Variants in EIF5A observed in about 807,000 individuals in gnomAD.
EIF5A encodes the protein eukaryotic translation initiation factor 5A-1.
EIF5A carries 1 observed loss-of-function variant against 16.6 expected under a neutral mutation model. The ratio of observed to expected loss-of-function variants is 0.06; its 90% CI spans 0.02 to 0.28. The LOEUF (loss-of-function observed/expected upper bound fraction) is 0.28. Among genes scored for constraint, EIF5A ranks in the 10% least tolerant of loss-of-function variants. The probability of loss-of-function intolerance (pLI) is 1.00; values close to 1 mark genes in which losing one functional copy is unlikely to be tolerated. For missense variants in EIF5A, 29 were observed against 196.1 expected (o/e 0.15, Z 5.09); for synonymous variants, 80 against 73.6 (o/e 1.09, Z -0.44).
At chr17:7,308,093 G>T in intron 1 of EIF5A, 1 of 993,238 alleles carries the variant, frequency 1.0e-6, no homozygotes. Context: ...TTGAGGACCC[G>T]GCTCAGCGCG....
Position 7,308,020 on chromosome 17 carries a change from C to T in EIF5A, c.-22+268C>T, listed in dbSNP as rs967143148. 185 of 984,694 alleles carry T rather than the reference C, an allele frequency of 1.9e-4. 1 individual carries two copies. Among genetic ancestry groups the T allele is most frequent in the Admixed American group, 1.4e-3 (22 of 16,202 alleles). The allele number at this position is 984,694 out of a possible 1,614,324, so 61.0% of individuals were successfully genotyped here. ...CAGCCACGCGGGAGAGGCCGCCAGG[C>T]GGCCACGCCGGGGCGAGGGCCAGGG... is the stretch of plus-strand genomic sequence containing the variant. On this transcript the variant is annotated intron_variant, in intron 1 of 5. Coordinates refer to ENST00000336458, the MANE Select transcript of EIF5A (RefSeq NM_001970.5).
intron 5 of EIF5A, 75 bp downstream of exon 5, chr17:7,311,726 T>G: frequency 6.3e-7 from 1 of 1,583,302 alleles, no homozygotes; most frequent in Non-Finnish European, 8.6e-7. Context: ...TCTTAATTGT[T>G]TCAGGCTTAC....
intron 1 of EIF5A, chr17:7,308,587 C>T (rs201600580): frequency 6.7e-6 from 9 of 1,350,264 alleles, no homozygotes; most frequent in South Asian, 1.1e-5. Flanking sequence ...TAAGTGGCAC[C>T]CCTTCGAGCT....
At chr17:7,310,091 AG>A (rs1567612266) in intron 2 of EIF5A, 1 of 1,396,760 alleles carries the variant, frequency 7.2e-7, no homozygotes, top group Non-Finnish European at 9.4e-7. Flanking sequence ...CTAGCTATTC[AG>A]TTGCTCCTTC....
At chr17:7,310,451 TGTG>T (rs1230221873) in intron 2 of EIF5A, 76 of 1,175,956 alleles carry the variant, frequency 6.5e-5, no homozygotes, top group Middle Eastern at 3.8e-4. Context: ...TTGAATTTCT[TGTG>T]GTGTTTTTCC....
At chr17:7,309,089 C>A (rs1202643558) in intron 1 of EIF5A, among the ~76,000 whole-genome samples, 3 of 151,574 alleles carry the variant, frequency 2.0e-5, no homozygotes, top group Non-Finnish European at 4.4e-5. Context: ...CCCAAAGAGG[C>A]CTTGTGGTTT....
upstream of EIF5A, chr17:7,307,110 A>C (rs766058124): frequency 9.4e-6 from 15 of 1,599,090 alleles, no homozygotes; most frequent in African/African-American, 4.0e-5. Context: ...AAGTTTTCTG[A>C]AACGTGTGAG....
Position 7,310,143 on chromosome 17 carries a change from G to A in EIF5A, c.165+343G>A, listed in dbSNP as rs979308718. On this transcript the variant is annotated intron_variant, in intron 2 of 5. Coordinates refer to ENST00000336458, the MANE Select transcript of EIF5A (RefSeq NM_001970.5). ...CACTTTTTCTTTCTTCCCTTGAGCC[G>A]TTGTTAAGTGGTTGCTTCCATCACG... 1.1e-5 allele frequency: 15 copies of A among 1,305,548 alleles called. No individual in the cohort carries two copies. The East Asian group carries it at 6.2e-4, about 54-fold the overall frequency. 80.9% of individuals were successfully genotyped at this position (1,305,548 alleles called of 1,614,324 possible).
chr17:7,308,701 A>G (rs2072714983), intron 1 of EIF5A: 2 of 739,290 alleles, frequency 2.7e-6, no homozygotes, highest in Non-Finnish European at 3.9e-6. Flanking sequence ...TGAGTTTCCC[A>G]CCGTGATAGG....
In EIF5A at chr17:7,312,404, C is replaced by T; in HGVS notation, c.*594C>T. Reference sequence around the variant, plus strand: ...TTACCCTTCCCTGCGGGCTCTCTCCCCGACACATTTGTTAAAATCAAACCT... The same window carrying T: ...TTACCCTTCCCTGCGGGCTCTCTCCTCGACACATTTGTTAAAATCAAACCT... On this transcript the variant is annotated 3_prime_UTR_variant, in exon 6 of 6. Coordinates refer to ENST00000336458, the MANE Select transcript of EIF5A (RefSeq NM_001970.5). 4 of 254,782 alleles carry T rather than the reference C, an allele frequency of 1.6e-5. No individual in the cohort carries two copies. The South Asian group carries it at 1.8e-4, about 12-fold the overall frequency. 15.8% of individuals were successfully genotyped at this position (254,782 alleles called of 1,614,324 possible). A position where few individuals can be genotyped will look rare whatever the true frequency, so the allele number is the denominator to read the frequency against.
At position 7,307,707 on chromosome 17, in the gene EIF5A, G is replaced by A; in HGVS notation, c.-67G>A. 1 of 1,045,100 alleles carries A rather than the reference G, an allele frequency of 9.6e-7. No individual in the cohort carries two copies. The highest frequency in any genetic ancestry group is 1.2e-6 in the Non-Finnish European group (1 of 869,476). The allele number at this position is 1,045,100 out of a possible 1,614,324, so 64.7% of individuals were successfully genotyped here. On this transcript the variant is annotated 5_prime_UTR_variant, in exon 1 of 6. Transcript: ENST00000336458. ...GGCAGCGGGCTCGGAGGCAGCGGTT[G>A]GGCTCGCGGCGAGCGGACGGGGTCG...
At position 7,311,900 on chromosome 17, in the gene EIF5A, C is replaced by G. The variant is rs2072840887; in HGVS notation, c.*90C>G. ...AGCCTGGCCTGGCTCTGGCCCGGTCCTAAGCTGGACTCCTCCTACACAATT... is the reference window on the plus strand; with the variant it reads ...AGCCTGGCCTGGCTCTGGCCCGGTCGTAAGCTGGACTCCTCCTACACAATT... On this transcript the variant is annotated 3_prime_UTR_variant, in exon 6 of 6. Coordinates refer to ENST00000336458, the MANE Select transcript of EIF5A (RefSeq NM_001970.5). The G allele has an allele frequency of 3.3e-6, 2 of 598,460 alleles. No individual in the cohort carries two copies. Among genetic ancestry groups the G allele is most frequent in the African/African-American group, 3.7e-5 (2 of 53,518 alleles). 37.1% of individuals were successfully genotyped at this position (598,460 alleles called of 1,614,324 possible).
At chr17:7,308,656 G>C in intron 1 of EIF5A, 1 of 1,250,388 alleles carries the variant, frequency 8.0e-7, no homozygotes, top group Non-Finnish European at 1.1e-6. Context: ...TTTTCTGTCG[G>C]CCTGGGTGGA....
intron 2 of EIF5A, chr17:7,310,656 C>T: frequency 3.0e-6 from 3 of 985,354 alleles, no homozygotes; most frequent in Non-Finnish European, 3.6e-6. Flanking sequence ...CTTCCTTATT[C>T]CCCAGTTTCT....
upstream of EIF5A, chr17:7,307,574 C>T: frequency 9.9e-7 from 1 of 1,005,976 alleles, no homozygotes; most frequent in Non-Finnish European, 1.2e-6. Context: ...AGATAGCACG[C>T]TTGCGCGGCT....
In EIF5A at chr17:7,312,053, C is replaced by T. The variant is rs1357990799; in HGVS notation, c.*243C>T. On this transcript the variant is annotated 3_prime_UTR_variant, in exon 6 of 6. Coordinates refer to ENST00000336458, the MANE Select transcript of EIF5A (RefSeq NM_001970.5). ...TGGTGAAGCTGCCCTCCTCTTCTCC[C>T]CTCACACTACAGCCCTGGTGGGGGA... 8 of 246,442 alleles carry T rather than the reference C, an allele frequency of 3.2e-5. No individual in the cohort carries two copies. Among genetic ancestry groups the T allele is most frequent in the Non-Finnish European group, 4.3e-5 (5 of 117,616 alleles). 15.3% of individuals were successfully genotyped at this position (246,442 alleles called of 1,614,324 possible).
chr17:7,310,346 C>A, intron 2 of EIF5A: 9 of 1,234,044 alleles, frequency 7.3e-6, no homozygotes, highest in Non-Finnish European at 9.3e-6. Flanking sequence ...CCTTGAGCCT[C>A]CATGCTTTCA....
At chr17:7,308,784 T>C (rs1230087113) in intron 1 of EIF5A, among the ~76,000 whole-genome samples, 6 of 152,200 alleles carry the variant, frequency 3.9e-5, no homozygotes, top group African/African-American at 1.2e-4. Context: ...TCCTTAACTC[T>C]ACTAGCCTAG....
intron 1 of EIF5A, among the ~76,000 whole-genome samples, chr17:7,308,863 C>T (rs1051004323): frequency 6.6e-6 from 1 of 152,210 alleles, no homozygotes; most frequent in Non-Finnish European, 1.5e-5. Context: ...CACCCCCCAC[C>T]TCTCCCACTT....
Sources: gnomAD v4.1 joint callset for allele counts (sites outside exome capture counted in the v4.1 genomes callset) on GRCh38, gnomAD v4.1.1 for gene constraint, MANE v1.5 for transcripts, NCBI Gene and HGNC (gene_info 2026-07-23, HGNC 2026-07-21) for gene names.